RIF1: variants seen among roughly 807,000 people sequenced by gnomAD.
The protein encoded by RIF1 is telomere-associated protein RIF1.
RIF1 carries 45 observed loss-of-function variants against 247.1 expected under a neutral mutation model. That is an observed-to-expected ratio of 0.18 (90% CI 0.14 to 0.23). The LOEUF (loss-of-function observed/expected upper bound fraction) is 0.23. Ranked by LOEUF, RIF1 falls within the 10% of genes least tolerant of loss-of-function variation. The probability of loss-of-function intolerance (pLI) is 1.00; values close to 1 mark genes in which losing one functional copy is unlikely to be tolerated. For missense variants in RIF1, 2,967 were observed against 2,862.5 expected (o/e 1.04, Z -0.83); for synonymous variants, 1,087 against 978.8 (o/e 1.11, Z -2.06).
Position 151,429,100 on chromosome 2 carries a change from TG to T in RIF1, c.925+180del, listed in dbSNP as rs199892723. The stretch of plus-strand genomic sequence containing the variant: ...AAAATAGAATTCACATACTAGGCAT[TG>T]GAAATCACAAATATGAAATCTGTTT... On this transcript the variant is annotated intron_variant, in intron 9 of 35. Transcript: ENST00000444746. Among the ~76,000 whole-genome samples the T allele has an allele frequency of 2.3e-4, 35 of 152,346 alleles. No homozygotes were observed. In the East Asian group the frequency reaches 6.7e-3, roughly 29 times the overall value.
At chr2:151,533,269 C>T in the RIF1 span, among the ~76,000 whole-genome samples, 3 of 152,192 alleles carry the variant, frequency 2.0e-5, no homozygotes, top group East Asian at 5.8e-4. Context: ...GACCACTGTC[C>T]CATCACCTTT....
intron 3 of RIF1, among the ~76,000 whole-genome samples, chr2:151,412,435 C>T (rs1686414605): frequency 6.6e-6 from 1 of 152,132 alleles, no homozygotes; most frequent in Admixed American, 6.6e-5. Context: ...ATCCTCCCAC[C>T]TCAGCCTCCT....
chr2:151,519,631 T>G, the RIF1 span: 7 of 1,514,978 alleles, frequency 4.6e-6, no homozygotes, highest in Non-Finnish European at 5.5e-6. Context: ...CCATGTTATA[T>G]ATTTTACCAC....
At chr2:151,515,759 A>C in the RIF1 span, among the ~76,000 whole-genome samples, 1 of 152,348 alleles carries the variant, frequency 6.6e-6, no homozygotes, top group African/African-American at 2.4e-5. Flanking sequence ...TCCTTTACTC[A>C]GATTGACCAA....
intron 16 of RIF1, among the ~76,000 whole-genome samples, 191 bp downstream of exon 16, chr2:151,442,182 TCTC>T (rs1335888416): frequency 1.3e-5 from 2 of 151,690 alleles, no homozygotes; most frequent in Non-Finnish European, 2.9e-5. Context: ...TTCAAGCTAT[TCTC>T]CTGCCTCAAC....
At chr2:151,526,303 G>T in the RIF1 span, 1 of 1,311,966 alleles carries the variant, frequency 7.6e-7, no homozygotes, top group Non-Finnish European at 1.1e-6. Flanking sequence ...AGCTCTGCTG[G>T]ATATCCTACA....
Position 151,428,673 on chromosome 2 carries a change from T to A in RIF1, c.787-111T>A, listed in dbSNP as rs533408409. The A allele has an allele frequency of 2.3e-5, 18 of 786,570 alleles. No individual in the cohort carries two copies. In the Admixed American group the frequency reaches 3.0e-4, roughly 13 times the overall value. 48.7% of individuals were successfully genotyped at this position (786,570 alleles called of 1,614,324 possible). A position where few individuals can be genotyped will look rare whatever the true frequency, so the allele number is the denominator to read the frequency against. On this transcript the variant is annotated intron_variant, in intron 8 of 35. Coordinates refer to ENST00000444746, the MANE Select transcript of RIF1 (RefSeq NM_018151.5). ...AATAATTTGTCTTTTGTCTCCCCAT[T>A]AGATTATGAAGTCCTAAGAGCATCT...
chr2:151,420,375 C>T lies in RIF1; in HGVS notation c.689C>T (p.Thr230Ile). The change falls in exon 7 of 36, where the codon ACT becomes ATT. Residue 230 changes from threonine (T) to isoleucine (I), a missense_variant. By Grantham distance (89) the Thr-to-Ile change is moderately conservative. Coordinates refer to ENST00000444746, the MANE Select transcript of RIF1 (RefSeq NM_018151.5). The part of the protein sequence containing the change: ...EIASITEQLM[T>I]TKLISELQKL... ...GCATCTATTACGGAGCAGCTTATGA[C>T]TACTGTGAGTGTTCTTTTATGTAAG... The T allele has an allele frequency of 1.9e-6, 3 of 1,613,800 alleles. No homozygotes were observed. Among genetic ancestry groups the T allele is most frequent in the African/African-American group, 2.7e-5 (2 of 75,044 alleles).
chr2:151,511,706 C>A (rs919449617), downstream of RIF1, among the ~76,000 whole-genome samples: 4 of 152,172 alleles, frequency 2.6e-5, no homozygotes, highest in African/African-American at 9.7e-5. Context: ...GAAGGCCTAT[C>A]CCAGGGTGTG....
At chr2:151,460,152 A>G (rs1034415516) in intron 26 of RIF1, 33 bp downstream of exon 26, 2 of 1,449,338 alleles carry the variant, frequency 1.4e-6, no homozygotes, top group Non-Finnish European at 1.9e-6. Context: ...AAAAATTTTA[A>G]GATAAAGTAT....
rs1045641059 is a variant in RIF1 at position 151,481,082 on chromosome 2, G to A, written c.*6011G>A. 1.3e-5 allele frequency: 2 copies of A among 152,216 alleles called. No individual in the cohort carries two copies. Among genetic ancestry groups the A allele is most frequent in the Admixed American group, 6.5e-5 (1 of 15,284 alleles). 9.4% of individuals were successfully genotyped at this position (152,216 alleles called of 1,614,324 possible). On this transcript the variant is annotated 3_prime_UTR_variant, in exon 36 of 36. Transcript: ENST00000444746. ...TGTCTTTAGCTGCTTTCCTGGTACA[G>A]TGGCTGAGTTTAGTAGTATAGCAGA... is the stretch of plus-strand genomic sequence containing the variant.
intron 34 of RIF1, 124 bp downstream of exon 34, chr2:151,469,988 CTT>C (rs1697545644): frequency 5.2e-6 from 3 of 579,748 alleles, no homozygotes; most frequent in Non-Finnish European, 5.6e-6. Flanking sequence ...TTTGTACTGT[CTT>C]TATGCATTGC....
chr2:151,428,708 A>G, intron 8 of RIF1, 76 bp from the exon 9 acceptor site: 1 of 1,143,778 alleles, frequency 8.7e-7, no homozygotes, highest in Non-Finnish European at 1.3e-6. Context: ...TGTTAAGTGA[A>G]TGAATAAAGG....
Position 151,456,609 on chromosome 2 carries a change from C to A in RIF1, c.2641C>A (p.Leu881Met). 1 of 1,513,482 alleles carries A rather than the reference C, an allele frequency of 6.6e-7. No homozygotes were observed. Among genetic ancestry groups the A allele is most frequent in the South Asian group, 1.2e-5 (1 of 84,742 alleles). The allele number at this position is 1,513,482 out of a possible 1,614,324, so 93.8% of individuals were successfully genotyped here. ...LDEVPKVYSC[L>M]NNKLEKLLGE... Reference sequence around the variant, plus strand: ...TGAAGTTCCTAAAGTATATAGTTGTCTGAACAACAAGGTAAAAATAGACAA... The same window carrying A: ...TGAAGTTCCTAAAGTATATAGTTGTATGAACAACAAGGTAAAAATAGACAA... Residue 881 changes from leucine (L) to methionine (M), a missense_variant, in exon 23 of 36, where the codon CTG (leucine) becomes ATG (methionine). Around this residue, in one of 7 missense-constraint regions of RIF1, gnomAD observed 2,028 missense variants for 1,825.6 expected, o/e 1.11. Coordinates refer to ENST00000444746, the MANE Select transcript of RIF1 (RefSeq NM_018151.5).
At chr2:151,517,973 G>C in the RIF1 span, among the ~76,000 whole-genome samples, 1 of 152,122 alleles carries the variant, frequency 6.6e-6, no homozygotes, top group African/African-American at 2.4e-5. Flanking sequence ...TTCTCTGTTT[G>C]AAATCTTCCT....
At position 151,463,418 on chromosome 2, in the gene RIF1, A is replaced by G. The variant is rs753397527; in HGVS notation, c.3898A>G (p.Lys1300Glu). The G allele has an allele frequency of 2.5e-6, 4 of 1,613,970 alleles. No homozygotes were observed. The South Asian group carries it at 3.3e-5, about 13-fold the overall frequency. ...RAGKAEQTGN[K>E]RSKPLMRSEP... ...TGGTAAAGCTGAACAAACAGGGAAT[A>G]AAAGGTCTAAGCCCTTAATGAGATC... The change falls in exon 30 of 36, where the codon AAA (lysine) becomes GAA (glutamate). Residue 1300 changes from lysine (K) to glutamate (E), a missense_variant. Physicochemically the swap from Lys to Glu is moderately conservative, Grantham distance 56. This residue lies in a region of RIF1 where 2,028 missense variants were observed against 1,825.6 expected (regional missense o/e 1.11). Transcript: ENST00000444746.
At chr2:151,471,850 C>T (rs189183554) in intron 34 of RIF1, among the ~76,000 whole-genome samples, 13 of 152,216 alleles carry the variant, frequency 8.5e-5, no homozygotes, top group Non-Finnish European at 1.5e-4. Context: ...CTTGGCAATG[C>T]GGGCTCTTTT....
In RIF1 at chr2:151,468,519, A is replaced by C. The variant is rs752703704; in HGVS notation, c.6793A>C (p.Ser2265Arg). Residue 2265 changes from serine (S) to arginine (R), a missense_variant, in exon 32 of 36, where the codon AGC becomes CGC. Transcript: ENST00000444746. ...AGGATTTCTGTCCCCAGGATCACGT[A>C]GCCCTAAATTTAAGAGCTCAAAGAA... is the stretch of plus-strand genomic sequence containing the variant. ...AKGFLSPGSR[S>R]PKFKSSKKCL... is the part of the protein sequence containing the mutation. 6.2e-7 allele frequency: 1 copy of C among 1,613,642 alleles called. No individual in the cohort carries two copies. The highest frequency in any genetic ancestry group is 1.3e-5 in the African/African-American group (1 of 74,918).
At position 151,464,690 on chromosome 2, in the gene RIF1, A is replaced by T. The variant is rs147739440; in HGVS notation, c.5170A>T (p.Arg1724Trp). The T allele has an allele frequency of 6.2e-7, 1 of 1,612,374 alleles. No homozygotes were observed. The highest frequency in any genetic ancestry group is 1.3e-5 in the African/African-American group (1 of 74,844). The change falls in exon 30 of 36, where the codon AGG (arginine) becomes TGG (tryptophan). Residue 1724 changes from arginine to tryptophan, a missense_variant. By Grantham distance (101) the Arg-to-Trp change is moderately radical (BLOSUM62 -3). Around this residue, in one of 7 missense-constraint regions of RIF1, gnomAD observed 2,028 missense variants for 1,825.6 expected, o/e 1.11. Transcript: ENST00000444746. The stretch of plus-strand genomic sequence containing the variant: ...ACTTGAATGCCAACACAAGAGAAGT[A>T]GGAGGGTGAGGAGATCTAAAGGTTG... ...QTLECQHKRSRRVRRSKGCDC... is the reference protein window; with the variant it reads ...QTLECQHKRSWRVRRSKGCDC...
Sources: allele counts gnomAD v4.1 joint callset (sites outside exome capture counted in the v4.1 genomes callset), GRCh38; gene constraint gnomAD v4.1.1; regional missense constraint gnomAD v4.1.1; transcripts MANE v1.5; gene names NCBI Gene and HGNC (gene_info 2026-07-23, HGNC 2026-07-21).